Variants in BABAM2 observed in about 807,000 individuals in gnomAD.
BABAM2 encodes BRISC and BRCA1-A complex member 2.
A neutral mutation model predicts 54.7 loss-of-function variants in BABAM2; 31 were observed. The ratio of observed to expected loss-of-function variants is 0.57; its 90% confidence interval spans 0.43 to 0.77. The LOEUF (loss-of-function observed/expected upper bound fraction) is 0.77, where lower values mean the gene tolerates loss of function less well. BABAM2 is among the 30% of genes least tolerant of loss of function. The probability of loss-of-function intolerance (pLI) is 0.00; values close to 1 mark genes in which losing one functional copy is unlikely to be tolerated. For missense variants in BABAM2, 364 were observed against 455.8 expected, an observed-to-expected ratio of 0.80 and a Z score of 1.83; for synonymous variants, 167 against 162.9, an observed-to-expected ratio of 1.03 and a Z score of -0.19.
chr2:28,067,515 G>A (rs1047622952), intron 6 of BABAM2, among the ~76,000 whole-genome samples: 11 of 152,096 alleles, frequency 7.2e-5, no homozygotes, highest in Non-Finnish European at 1.0e-4. Context: ...ATTATACAAC[G>A]GTCACCTCCA....
chr2:28,098,024 A>G (rs1666770690), intron 6 of BABAM2, among the ~76,000 whole-genome samples: 2 of 152,228 alleles, frequency 1.3e-5, no homozygotes, highest in South Asian at 2.1e-4. Flanking sequence ...TGAAACCACT[A>G]TCATAACTTT....
chr2:28,198,970 G>T (rs1055674744), intron 7 of BABAM2, among the ~76,000 whole-genome samples: 2 of 152,180 alleles, frequency 1.3e-5, no homozygotes, highest in African/African-American at 4.8e-5. Context: ...AGGGAGGAAG[G>T]CCAGGCAATG....
chr2:28,280,330 A>G (rs1394673096), intron 10 of BABAM2, among the ~76,000 whole-genome samples: 4 of 152,044 alleles, frequency 2.6e-5, no homozygotes, highest in Non-Finnish European at 5.9e-5. Flanking sequence ...AAGTGCTGGG[A>G]TTACAGGTGT....
At chr2:28,265,352 G>A (rs1312502812) in intron 10 of BABAM2, among the ~76,000 whole-genome samples, 8 of 152,184 alleles carry the variant, frequency 5.3e-5, no homozygotes, top group South Asian at 2.1e-4. Context: ...ACTTGAACAC[G>A]GGAGGTGGAG....
chr2:28,297,992 G>A (rs759089472), intron 10 of BABAM2, among the ~76,000 whole-genome samples: 2 of 152,124 alleles, frequency 1.3e-5, no homozygotes, highest in Admixed American at 6.5e-5. Context: ...TATTGATCCC[G>A]GGAAGTGCTA....
At chr2:27,919,838 C>T (rs1667224202) in intron 2 of BABAM2, among the ~76,000 whole-genome samples, 1 of 152,176 alleles carries the variant, frequency 6.6e-6, no homozygotes, top group Non-Finnish European at 1.5e-5. Context: ...ATACTTCCTA[C>T]TCTAAAGTAG....
chr2:28,245,440 A>G (rs2148079775), intron 10 of BABAM2, among the ~76,000 whole-genome samples: 1 of 152,292 alleles, frequency 6.6e-6, no homozygotes, highest in South Asian at 2.1e-4. Flanking sequence ...CCCCAACATC[A>G]TTTCTTCATG....
At chr2:28,157,722 T>C (rs1408367273) in intron 7 of BABAM2, among the ~76,000 whole-genome samples, 4 of 152,150 alleles carry the variant, frequency 2.6e-5, no homozygotes, top group Non-Finnish European at 5.9e-5. Context: ...AGCTATTCTT[T>C]TGCCTCAGCC....
chr2:28,247,174 T>G (rs1035179400), intron 10 of BABAM2, among the ~76,000 whole-genome samples: 4 of 152,184 alleles, frequency 2.6e-5, no homozygotes, highest in Non-Finnish European at 5.9e-5. Context: ...CTCTTATTCC[T>G]GTACTCCCCC....
In BABAM2 at chr2:28,179,714, A is replaced by G. The variant is rs556468985; in HGVS notation, c.680+50334A>G. Among the ~76,000 whole-genome samples, 8 of 152,368 alleles carry G rather than the reference A, an allele frequency of 5.3e-5. No homozygotes were observed. The East Asian group carries it at 9.6e-4, about 18-fold the overall frequency. The stretch of plus-strand genomic sequence containing the variant: ...CCCTTTTTGCAGATAATGTGATCTT[A>G]TATCTAGAAAAATCTAAAGACTCCA... On this transcript the variant is annotated intron_variant, in intron 7 of 11. Transcript: ENST00000379624.
Position 28,127,223 on chromosome 2 carries a change from AAG to A in BABAM2, c.571-2046_571-2045del, listed in dbSNP as rs552359647. Reference sequence around the variant, plus strand: ...ACATGAAGTCCTTAATTTTTTAAAAAAGAAAGAAAACGGAAAGGGAAGTGGCC... The same window carrying A: ...ACATGAAGTCCTTAATTTTTTAAAAAAAAGAAAACGGAAAGGGAAGTGGCC... On this transcript the variant is annotated intron_variant, in intron 6 of 11. Coordinates refer to ENST00000379624, the MANE Select transcript of BABAM2 (RefSeq NM_199191.3). 6.6e-5 allele frequency among the ~76,000 whole-genome samples: 10 copies of A among 152,322 alleles called. 1 individual carries two copies. In the South Asian group the frequency reaches 2.1e-3, roughly 32 times the overall value.
intron 7 of BABAM2, among the ~76,000 whole-genome samples, chr2:28,220,373 C>A (rs1488734354): frequency 6.6e-6 from 1 of 152,144 alleles, no homozygotes; most frequent in African/African-American, 2.4e-5. Context: ...TAATGCCTGG[C>A]TCATGGAAAA....
intron 5 of BABAM2, among the ~76,000 whole-genome samples, chr2:28,033,043 A>T (rs533959094): frequency 7.2e-5 from 11 of 152,260 alleles, no homozygotes; most frequent in Admixed American, 2.0e-4. Flanking sequence ...TTCCATTACC[A>T]CAAAGATCTC....
intron 3 of BABAM2, among the ~76,000 whole-genome samples, chr2:27,961,207 G>A (rs529517819): frequency 6.6e-6 from 1 of 152,184 alleles, no homozygotes. Flanking sequence ...GAGATGTAGA[G>A]AATAGTCCTA....
chr2:28,195,821 T>G (rs1677469153), intron 7 of BABAM2, among the ~76,000 whole-genome samples: 1 of 152,228 alleles, frequency 6.6e-6, no homozygotes, highest in African/African-American at 2.4e-5. Context: ...CAAGTCTACC[T>G]AATTCAAAAG....
chr2:28,056,284 C>CA (rs1678406893), intron 6 of BABAM2, among the ~76,000 whole-genome samples: 1 of 151,902 alleles, frequency 6.6e-6, no homozygotes, highest in Non-Finnish European at 1.5e-5. Flanking sequence ...AAACAACCAC[C>CA]AAAAAATGGG....
chr2:28,338,706 A>G lies in BABAM2; in HGVS notation c.*193A>G. Reference sequence around the variant, plus strand: ...CTGGCTGGTGGTCCCTGGATCCTAGAGCCCTTCACTTCGGGTTACTCCCTC... The same window carrying G: ...CTGGCTGGTGGTCCCTGGATCCTAGGGCCCTTCACTTCGGGTTACTCCCTC... On this transcript the variant is annotated 3_prime_UTR_variant, in exon 12 of 12. Transcript: ENST00000379624. 6 of 587,750 alleles carry G rather than the reference A, an allele frequency of 1.0e-5. No homozygotes were observed. Among genetic ancestry groups the G allele is most frequent in the Non-Finnish European group, 3.0e-6 (1 of 333,064 alleles). 36.4% of individuals were successfully genotyped at this position (587,750 alleles called of 1,614,324 possible). A position where few individuals can be genotyped will look rare whatever the true frequency, so the allele number is the denominator to read the frequency against.
intron 10 of BABAM2, among the ~76,000 whole-genome samples, chr2:28,247,350 C>G (rs1451348158): frequency 6.6e-6 from 1 of 152,132 alleles, no homozygotes; most frequent in African/African-American, 2.4e-5. Context: ...TTTTTCTTAT[C>G]TAAAATATAG....
intron 3 of BABAM2, among the ~76,000 whole-genome samples, chr2:27,936,498 C>A (rs184361217): frequency 0.01 from 1,582 of 152,240 alleles, 22 homozygotes; most frequent in African/African-American, 0.036. Flanking sequence ...CACATGCACA[C>A]GTATGTTTAT....
Sources: allele counts gnomAD v4.1 joint callset (sites outside exome capture counted in the v4.1 genomes callset), GRCh38; gene constraint gnomAD v4.1.1; transcripts MANE v1.5; gene names NCBI Gene and HGNC (gene_info 2026-07-23, HGNC 2026-07-21).